The following TLE4 variants were observed in gnomAD, a reference collection of about 807,000 sequenced individuals.
TLE4 encodes transducin-like enhancer protein 4.
TLE4 carries 8 observed loss-of-function variants against 92.8 expected under a neutral mutation model. The observed-to-expected ratio is 0.09, with a 90% CI of 0.05 to 0.16. The LOEUF is 0.16. Ranked by LOEUF, TLE4 falls within the 10% of genes least tolerant of loss-of-function variation. TLE4 has a pLI of 1.00. For synonymous variants in TLE4, 371 were observed against 374.1 expected (o/e 0.99, Z 0.10); for missense variants, 675 against 997.6 (o/e 0.68, Z 4.36).
At chr9:79,687,372 G>A (rs557371803) in intron 8 of TLE4, among the ~76,000 whole-genome samples, 1 of 152,290 alleles carries the variant, frequency 6.6e-6, no homozygotes, top group Non-Finnish European at 1.5e-5. Flanking sequence ...CCCCATGGGT[G>A]CCAGATTTTC....
At chr9:79,707,846 T>G (rs891487483) in intron 11 of TLE4, among the ~76,000 whole-genome samples, 3 of 152,226 alleles carry the variant, frequency 2.0e-5, no homozygotes, top group Admixed American at 6.5e-5. Context: ...CATCCTGGTT[T>G]GTGAGCCTCA....
chr9:79,624,013 G>A (rs1312195038), intron 5 of TLE4, among the ~76,000 whole-genome samples: 1 of 152,056 alleles, frequency 6.6e-6, no homozygotes. Flanking sequence ...AAGTAGAAGA[G>A]GAAATGAGAT....
At chr9:79,630,235 A>G (rs985933662) in intron 6 of TLE4, among the ~76,000 whole-genome samples, 2 of 152,288 alleles carry the variant, frequency 1.3e-5, no homozygotes, top group East Asian at 3.9e-4. Flanking sequence ...AAATGAGCCA[A>G]ACGAGTGATC....
chr9:79,601,420 G>A, intron 4 of TLE4: 1 of 456,552 alleles, frequency 2.2e-6, no homozygotes, highest in Non-Finnish European at 4.4e-6. Context: ...CACAGAGACT[G>A]TTTTTCACAA....
intron 10 of TLE4, 73 bp downstream of exon 10, chr9:79,706,015 A>G (rs1026205789): frequency 6.8e-6 from 9 of 1,324,446 alleles, no homozygotes; most frequent in African/African-American, 2.9e-5. Context: ...AACAATTAGT[A>G]TCCAAAATAT....
intron 8 of TLE4, among the ~76,000 whole-genome samples, chr9:79,694,405 G>A (rs1270954537): frequency 6.6e-6 from 1 of 152,112 alleles, no homozygotes; most frequent in African/African-American, 2.4e-5. Flanking sequence ...AGTAATTTTG[G>A]CACATGCTTG....
intron 14 of TLE4, chr9:79,717,900 C>T (rs149154220): frequency 1.0e-4 from 45 of 445,540 alleles, no homozygotes; most frequent in African/African-American, 8.2e-4. Flanking sequence ...ACCTAACATG[C>T]GTCACAACAG....
At chr9:79,618,106 T>C (rs1276049212) in intron 5 of TLE4, among the ~76,000 whole-genome samples, 1 of 152,216 alleles carries the variant, frequency 6.6e-6, no homozygotes, top group African/African-American at 2.4e-5. Flanking sequence ...TACAGAAATG[T>C]AGTCTTAGCT....
intron 8 of TLE4, among the ~76,000 whole-genome samples, chr9:79,680,888 G>C (rs1225232633): frequency 1.4e-4 from 21 of 152,152 alleles, no homozygotes; most frequent in South Asian, 6.2e-4. Flanking sequence ...AGATAATCAT[G>C]TGGTTTTTGT....
rs777558382 is a variant in TLE4, at chr9:79,721,732, C to T, written c.1839-9C>T. 2 of 1,613,774 alleles carry T rather than the reference C, an allele frequency of 1.2e-6. No homozygotes were observed. The highest frequency in any genetic ancestry group is 1.7e-6 in the Non-Finnish European group (2 of 1,179,930). On this transcript the variant is annotated splice_polypyrimidine_tract_variant and intron_variant, in intron 16 of 19. Transcript: ENST00000376552. ...TTCAAGGGCTTTCCCTCCATTTTGACATTTTCAGGCAATTCCAGGGCCACA... is the reference window on the plus strand; with the variant it reads ...TTCAAGGGCTTTCCCTCCATTTTGATATTTTCAGGCAATTCCAGGGCCACA...
intron 8 of TLE4, among the ~76,000 whole-genome samples, chr9:79,654,962 C>T (rs1383953463): frequency 2.6e-5 from 4 of 152,006 alleles, no homozygotes; most frequent in Non-Finnish European, 4.4e-5. Flanking sequence ...GCCAACATGG[C>T]GAAACCCCGT....
chr9:79,701,938 G>A (rs11138338), intron 8 of TLE4, among the ~76,000 whole-genome samples: 7,182 of 152,276 alleles, frequency 0.047, 263 homozygotes, highest in South Asian at 0.12. Flanking sequence ...TTTACTCATT[G>A]GAGGAACAAA....
At chr9:79,582,884 AG>A (rs1172836086) in intron 4 of TLE4, among the ~76,000 whole-genome samples, 2 of 152,124 alleles carry the variant, frequency 1.3e-5, no homozygotes, top group Non-Finnish European at 2.9e-5. Flanking sequence ...GGAGAGAAGC[AG>A]GGGGGCAGCA....
At chr9:79,613,698 G>C (rs928097481) in intron 5 of TLE4, among the ~76,000 whole-genome samples, 3 of 152,136 alleles carry the variant, frequency 2.0e-5, no homozygotes, top group Non-Finnish European at 2.9e-5. Context: ...CTTTTCAGGA[G>C]AGAGGTTCAT....
chr9:79,588,118 T>G (rs2041607431), intron 4 of TLE4, among the ~76,000 whole-genome samples: 1 of 132,880 alleles, frequency 7.5e-6, no homozygotes, highest in Non-Finnish European at 1.6e-5. Flanking sequence ...TATGGTAAAC[T>G]TCTTTGTTTA....
At chr9:79,627,665 C>T (rs2052974069) in intron 6 of TLE4, 8 of 580,396 alleles carry the variant, frequency 1.4e-5, no homozygotes, top group Non-Finnish European at 2.2e-5. Flanking sequence ...TTCATGAAAA[C>T]TCTCCTCTAA....
intron 11 of TLE4, chr9:79,707,308 T>G (rs2071904581): frequency 2.7e-6 from 3 of 1,092,180 alleles, no homozygotes; most frequent in Admixed American, 2.0e-5. Flanking sequence ...TTTCCCTTCC[T>G]ATCTAAAAAG....
intron 11 of TLE4, 51 bp from the exon 12 acceptor site, chr9:79,708,067 A>G (rs1296558100): frequency 1.3e-6 from 2 of 1,580,706 alleles, no homozygotes; most frequent in Admixed American, 1.7e-5. Context: ...GTTTAACGTC[A>G]TTGTTAAAAC....
At chr9:79,699,113 T>C (rs531667224) in intron 8 of TLE4, among the ~76,000 whole-genome samples, 3 of 152,244 alleles carry the variant, frequency 2.0e-5, no homozygotes, top group Admixed American at 1.3e-4. Context: ...AAAACAGAAA[T>C]ACAGTGCTTT....
Sources: allele counts gnomAD v4.1 joint callset (sites outside exome capture counted in the v4.1 genomes callset), GRCh38; gene constraint gnomAD v4.1.1; transcripts MANE v1.5; gene names NCBI Gene and HGNC (gene_info 2026-07-23, HGNC 2026-07-21).